Variants in CELA1 observed in about 807,000 individuals in gnomAD.
CELA1 encodes the protein chymotrypsin-like elastase family member 1.
In CELA1, 28 loss-of-function variants were observed where a neutral mutation model predicts 34.8. That is an observed-to-expected ratio of 0.80 (90% CI 0.60 to 1.10). The LOEUF is 1.10. Ranked by LOEUF, CELA1 falls within the 50% of genes least tolerant of loss-of-function variation. CELA1 has a pLI of 0.00. For missense variants in CELA1, 288 were observed against 327.5 expected (o/e 0.88, Z 0.93); for synonymous variants, 140 against 129.8 (o/e 1.08, Z -0.53).
Position 51,342,577 on chromosome 12 carries a change from G to A in CELA1, c.324C>T (p.Ala108=), listed in dbSNP as rs76897251. ...GGCCAGCTTGGACTTGCTCCTACCC[G>A]GCAGCCACGTTATCGCTGTTCCAGT... ...HPYWNSDNVA[A]GYDIALLRLA... is the part of the protein sequence containing the mutation. The change falls in exon 4 of 8, where the codon GCC becomes GCT. Residue 108 remains alanine (A), a splice_region_variant and synonymous_variant. Transcript: ENST00000293636. The A allele has an allele frequency of 5.3e-5, 85 of 1,614,086 alleles. 1 individual carries two copies. The South Asian group carries it at 8.1e-4, about 15-fold the overall frequency.
At chr12:51,339,505 C>T (rs1285118215) in intron 6 of CELA1, among the ~76,000 whole-genome samples, 2 of 152,018 alleles carry the variant, frequency 1.3e-5, no homozygotes, top group African/African-American at 2.4e-5. Context: ...GAGCCGAGAT[C>T]GTCCCATTGC....
chr12:51,330,969 CA>C lies in CELA1; in HGVS notation c.610-1137del, dbSNP rs201798953. ...TGGGCGACAGAGTGAGACTCTGTCT[CA>C]AAAAAAAAAAAAAAAAAGGAATTCA... On this transcript the variant is annotated intron_variant, in intron 6 of 7. Transcript: ENST00000293636. Among the ~76,000 whole-genome samples the C allele has an allele frequency of 0.026, 2,051 of 79,424 alleles. 60 individuals are homozygous for C. In the East Asian group the frequency reaches 0.3, roughly 12 times the overall value. 52.1% of individuals were successfully genotyped at this position (79,424 alleles called of 152,430 possible). A position where few individuals can be genotyped will look rare whatever the true frequency, so the allele number is the denominator to read the frequency against.
chr12:51,335,415 C>T (rs1261845742), intron 6 of CELA1, among the ~76,000 whole-genome samples: 2 of 152,124 alleles, frequency 1.3e-5, no homozygotes, highest in South Asian at 2.1e-4. Flanking sequence ...CGCCACCATG[C>T]CTGGCTACTT....
intron 6 of CELA1, among the ~76,000 whole-genome samples, chr12:51,337,251 T>C (rs1290537419): frequency 6.6e-6 from 1 of 152,160 alleles, no homozygotes; most frequent in Non-Finnish European, 1.5e-5. Context: ...AAAGCAGCCA[T>C]AGGCTGGGCA....
Position 51,345,777 on chromosome 12 carries a change from C to A in CELA1, c.99+18G>T, listed in dbSNP as rs551268679. On this transcript the variant is annotated intron_variant, in intron 2 of 7. Transcript: ENST00000293636. ...CTCTTATTTGGGTGGAAGTCTGGGG[C>A]TGGGAAGGAACACCCACCTGAGAGG... is the stretch of plus-strand genomic sequence containing the variant. 16 of 1,539,252 alleles carry A rather than the reference C, an allele frequency of 1.0e-5. No homozygotes were observed. The highest frequency in any genetic ancestry group is 1.3e-5 in the Non-Finnish European group (15 of 1,134,990).
chr12:51,333,921 G>A (rs967939809), intron 6 of CELA1, among the ~76,000 whole-genome samples: 3 of 152,330 alleles, frequency 2.0e-5, no homozygotes, highest in Non-Finnish European at 2.9e-5. Flanking sequence ...CCTCAGGAGA[G>A]AGGGAGGGTG....
chr12:51,329,677 G>T lies in CELA1; in HGVS notation c.759+7C>A. 1.2e-6 allele frequency: 2 copies of T among 1,605,122 alleles called. No homozygotes were observed. The highest frequency in any genetic ancestry group is 1.3e-5 in the African/African-American group (1 of 74,710). On this transcript the variant is annotated splice_region_variant and intron_variant, in intron 7 of 7. Coordinates refer to ENST00000293636, the MANE Select transcript of CELA1 (RefSeq NM_001971.6). ...CCCATTTCAACCCATCATTTGAGAG[G>T]ACTCACATTATTTATCCAGGAGATG...
At position 51,329,832 on chromosome 12, in the gene CELA1, C is replaced by A. The variant is rs775154004; in HGVS notation, c.611G>T (p.Gly204Val). The A allele has an allele frequency of 8.7e-6, 14 of 1,607,668 alleles. No homozygotes were observed. The African/African-American group carries it at 1.7e-4, about 20-fold the overall frequency. The change falls in exon 7 of 8, where the codon GGT becomes GTT. Residue 204 changes from glycine to valine, a missense_variant and splice_region_variant. Physicochemically the swap from Gly to Val is moderately radical, Grantham distance 109. Coordinates refer to ENST00000293636, the MANE Select transcript of CELA1 (RefSeq NM_001971.6). ...GGDGVRSGCQ[G>V]DSGGPLHCLV... ...GCAATGGAGGGGGCCCCCAGAGTCA[C>A]CCTGCAGGGAGGAGAAACAGAATCC...
intron 1 of CELA1, among the ~76,000 whole-genome samples, 199 bp downstream of exon 1, chr12:51,346,424 C>T (rs536626079): frequency 1.3e-5 from 2 of 152,086 alleles, no homozygotes; most frequent in Non-Finnish European, 2.9e-5. Context: ...GTGGCCCTGA[C>T]CTTTTCTATC....
intron 6 of CELA1, among the ~76,000 whole-genome samples, chr12:51,330,223 AG>A (rs1946462214): frequency 6.6e-6 from 1 of 152,194 alleles, no homozygotes; most frequent in South Asian, 2.1e-4. Context: ...TGGCAAAAAT[AG>A]GGCATTCTAA....
At chr12:51,332,619 C>G (rs762056762) in intron 6 of CELA1, among the ~76,000 whole-genome samples, 14 of 152,190 alleles carry the variant, frequency 9.2e-5, no homozygotes, top group Non-Finnish European at 2.1e-4. Context: ...AATCCCAGCA[C>G]TTTGGGAAGC....
rs549940112 is a variant in CELA1 at position 51,329,911 on chromosome 12, G to A, written c.610-78C>T. On this transcript the variant is annotated intron_variant, in intron 6 of 7. Transcript: ENST00000293636. ...TGCACTCCCCCCGCCCCCGTCTCTG[G>A]TTGTGAAATTCTGTACGGTTTTAAA... is the stretch of plus-strand genomic sequence containing the variant. 88 of 1,386,306 alleles carry A rather than the reference G, an allele frequency of 6.3e-5. No homozygotes were observed. The East Asian group carries it at 1.9e-3, about 30-fold the overall frequency. The allele number at this position is 1,386,306 out of a possible 1,614,324, so 85.9% of individuals were successfully genotyped here. A position where few individuals can be genotyped will look rare whatever the true frequency, so the allele number is the denominator to read the frequency against.
intron 6 of CELA1, among the ~76,000 whole-genome samples, chr12:51,331,313 C>T (rs1485327052): frequency 6.6e-6 from 1 of 152,150 alleles, no homozygotes. Flanking sequence ...CGCTTGAACC[C>T]AGGAGCTGGA....
intron 3 of CELA1, among the ~76,000 whole-genome samples, chr12:51,343,137 A>C (rs1214911053): frequency 6.6e-6 from 1 of 152,078 alleles, no homozygotes; most frequent in Non-Finnish European, 1.5e-5. Context: ...AAACTGGGAG[A>C]GGTGTAGTGC....
chr12:51,328,731 A>G, intron 7 of CELA1, 137 bp from the exon 8 acceptor site: 1 of 887,402 alleles, frequency 1.1e-6, no homozygotes, highest in South Asian at 1.4e-5. Context: ...GGGAGGCAGG[A>G]AGTCAGCCTC....
intron 6 of CELA1, among the ~76,000 whole-genome samples, chr12:51,338,781 T>C (rs752003533): frequency 1.3e-5 from 2 of 152,178 alleles, no homozygotes; most frequent in African/African-American, 2.4e-5. Flanking sequence ...ATGCCTGGCA[T>C]ATAGTAGATA....
chr12:51,339,986 C>G lies in CELA1; in HGVS notation c.483G>C (p.Gln161His). ...AGGGCAGGTAAGCCTGCTGCAGGGT[C>G]TGGGCCAGCTGCCCATTGGCTGAAC... ...GKTKTNGQLAQTLQQAYLPSV... is the reference protein window; with the variant it reads ...GKTKTNGQLAHTLQQAYLPSV... Residue 161 changes from glutamine to histidine, a missense_variant, in exon 6 of 8, where the codon CAG (glutamine) becomes CAC (histidine). Physicochemically the swap from Gln to His is conservative, Grantham distance 24. Transcript: ENST00000293636. The G allele has an allele frequency of 1.9e-6, 3 of 1,613,670 alleles. No homozygotes were observed. Among genetic ancestry groups the G allele is most frequent in the Non-Finnish European group, 2.5e-6 (3 of 1,179,818 alleles).
chr12:51,344,922 T>C (rs12815451), intron 2 of CELA1, among the ~76,000 whole-genome samples: 17,267 of 151,128 alleles, frequency 0.11, 1,302 homozygotes, highest in Non-Finnish European at 0.17. Flanking sequence ...GTCAGGAGTT[T>C]GAGACCAGCC....
intron 6 of CELA1, among the ~76,000 whole-genome samples, chr12:51,330,750 C>T (rs1404898921): frequency 6.6e-6 from 1 of 151,896 alleles, no homozygotes; most frequent in Non-Finnish European, 1.5e-5. Context: ...GCGGGCGGAT[C>T]ACGAGGTCAG....
Sources: allele counts gnomAD v4.1 joint callset (sites outside exome capture counted in the v4.1 genomes callset), GRCh38; gene constraint gnomAD v4.1.1; transcripts MANE v1.5; gene names NCBI Gene and HGNC (gene_info 2026-07-23, HGNC 2026-07-21).